The following HSPA12A variants were observed in gnomAD, a reference collection of about 807,000 sequenced individuals.
HSPA12A encodes heat shock 70 kDa protein 12A.
Under a neutral mutation model 69.2 loss-of-function variants are expected in HSPA12A, and 28 were observed. That is an observed-to-expected ratio of 0.40 (90% CI 0.30 to 0.55). The LOEUF (loss-of-function observed/expected upper bound fraction) is 0.55, where lower values mean the gene tolerates loss of function less well. Ranked by LOEUF, HSPA12A falls within the 20% of genes least tolerant of loss-of-function variation. The probability of loss-of-function intolerance (pLI) is 0.38; values close to 1 mark genes in which losing one functional copy is unlikely to be tolerated. For synonymous variants in HSPA12A, 345 were observed against 370.5 expected, an observed-to-expected ratio of 0.93 and a Z score of 0.79; for missense variants, 686 against 900.7, an observed-to-expected ratio of 0.76 and a Z score of 3.05.
intron 7 of HSPA12A, among the ~76,000 whole-genome samples, chr10:116,682,255 A>G (rs540952641): frequency 6.6e-6 from 1 of 152,302 alleles, no homozygotes; most frequent in South Asian, 2.1e-4. Context: ...GAGACTCTCA[A>G]ATGAGACCTA....
At chr10:116,735,483 C>T (rs1216207014) in intron 1 of HSPA12A, among the ~76,000 whole-genome samples, 4 of 152,258 alleles carry the variant, frequency 2.6e-5, no homozygotes, top group East Asian at 1.9e-4. Context: ...GAGGCCACCA[C>T]ATAAAGAAGC....
intron 1 of HSPA12A, among the ~76,000 whole-genome samples, chr10:116,726,938 A>T (rs528724818): frequency 6.6e-6 from 1 of 152,266 alleles, no homozygotes; most frequent in Non-Finnish European, 1.5e-5. Context: ...CCTCCCTCAG[A>T]TCTCCATAAT....
rs562654122 is a variant in HSPA12A at position 116,705,988 on chromosome 10, C to T, written c.127-710G>A. 2.8e-4 allele frequency among the ~76,000 whole-genome samples: 43 copies of T among 151,660 alleles called. 1 individual carries two copies. The highest frequency in any genetic ancestry group is 2.7e-3 in the East Asian group (14 of 5,120). The stretch of plus-strand genomic sequence containing the variant: ...TCGGCTCACTGCAAGCTCTGCCTCC[C>T]GGGTTCACGCCCTTCTCCGCCTCAG... On this transcript the variant is annotated intron_variant, in intron 2 of 11. Coordinates refer to ENST00000369209, the MANE Select transcript of HSPA12A (RefSeq NM_025015.3).
At chr10:116,837,166 T>G (rs1300984756) in intron 1 of HSPA12A, among the ~76,000 whole-genome samples, 1 of 152,162 alleles carries the variant, frequency 6.6e-6, no homozygotes, top group African/African-American at 2.4e-5. Flanking sequence ...TGTGAAGGAG[T>G]AATTTACCTG....
chr10:116,839,604 TA>T (rs59427633), intron 1 of HSPA12A, among the ~76,000 whole-genome samples: 5,923 of 59,092 alleles, frequency 0.1, 137 homozygotes, highest in Non-Finnish European at 0.14. Flanking sequence ...ATGCCTACCG[TA>T]AAAAAAAAAA....
intron 2 of HSPA12A, among the ~76,000 whole-genome samples, chr10:116,786,760 C>A (rs747425557): frequency 1.4e-4 from 22 of 152,068 alleles, no homozygotes; most frequent in Non-Finnish European, 2.9e-4. Context: ...ATGCCTCAGC[C>A]TCCTGAGTAG....
chr10:116,742,445 T>G lies in HSPA12A; in HGVS notation c.25A>C (p.Ser9Arg), dbSNP rs1265201524. The G allele has an allele frequency of 2.8e-6, 4 of 1,408,592 alleles. No homozygotes were observed. The highest frequency in any genetic ancestry group is 1.5e-5 in the African/African-American group (1 of 66,212). 87.3% of individuals were successfully genotyped at this position (1,408,592 alleles called of 1,614,324 possible). A position where few individuals can be genotyped will look rare whatever the true frequency, so the allele number is the denominator to read the frequency against. The change falls in exon 1 of 12, where the codon AGC (serine) becomes CGC (arginine). Residue 9 changes from serine to arginine, a missense_variant. Transcript: ENST00000369209. ...CTGCGCTCACCTCGGGGCCCGTCGC[T>G]GCCGCCGGCCTCCTTGTCCGCCATG... MADKEAGG[S>R]DGPRETAPTS...
chr10:116,754,606 A>G (rs192614169), intron 2 of HSPA12A, among the ~76,000 whole-genome samples: 2 of 152,346 alleles, frequency 1.3e-5, no homozygotes, highest in Admixed American at 1.3e-4. Flanking sequence ...ATGCATCTGT[A>G]TCTCTCAGAG....
chr10:116,796,614 G>A (rs1399801081), intron 2 of HSPA12A, among the ~76,000 whole-genome samples: 2 of 152,112 alleles, frequency 1.3e-5, no homozygotes, highest in Non-Finnish European at 1.5e-5. Context: ...CAAAAGTTTC[G>A]TTTAAGACAG....
chr10:116,786,622 G>C (rs1224284926), intron 2 of HSPA12A, among the ~76,000 whole-genome samples: 2 of 151,996 alleles, frequency 1.3e-5, no homozygotes, highest in Admixed American at 1.3e-4. Context: ...CTGCCTATTA[G>C]AATCTCCTGG....
At chr10:116,817,289 G>GA (rs774827084) in intron 2 of HSPA12A, among the ~76,000 whole-genome samples, 24 of 152,024 alleles carry the variant, frequency 1.6e-4, no homozygotes, top group Non-Finnish European at 3.1e-4. Flanking sequence ...TTCTAACAGA[G>GA]GCTTTGTCTG....
At chr10:116,837,293 A>G (rs1386358369) in intron 1 of HSPA12A, among the ~76,000 whole-genome samples, 2 of 152,114 alleles carry the variant, frequency 1.3e-5, no homozygotes, top group Non-Finnish European at 1.5e-5. Context: ...TCAGAAAGAA[A>G]CCTTTTTCAA....
chr10:116,806,110 A>T (rs1845062416), intron 2 of HSPA12A, among the ~76,000 whole-genome samples: 1 of 152,214 alleles, frequency 6.6e-6, no homozygotes, highest in South Asian at 2.1e-4. Flanking sequence ...ATGGGCCAGA[A>T]GTGGTGGGCA....
intron 2 of HSPA12A, chr10:116,831,346 G>GT (rs1845610522): frequency 6.6e-6 from 1 of 152,176 alleles, no homozygotes; most frequent in African/African-American, 2.4e-5. Flanking sequence ...AATAGCATGT[G>GT]TTTGGCAGGG....
At chr10:116,743,315 C>G (rs1554887536), upstream of HSPA12A, among the ~76,000 whole-genome samples, 1 of 152,200 alleles carries the variant, frequency 6.6e-6, no homozygotes, top group African/African-American at 2.4e-5. Context: ...TCCACACACA[C>G]GCGCCGCTGG....
At chr10:116,795,869 G>A (rs995949998) in intron 2 of HSPA12A, among the ~76,000 whole-genome samples, 2 of 149,440 alleles carry the variant, frequency 1.3e-5, no homozygotes, top group Non-Finnish European at 3.0e-5. Context: ...ATTAAAGGCC[G>A]GGCGCGGTGG....
chr10:116,791,988 G>C (rs184498515), intron 2 of HSPA12A, among the ~76,000 whole-genome samples: 1 of 152,088 alleles, frequency 6.6e-6, no homozygotes, highest in African/African-American at 2.4e-5. Flanking sequence ...CCCACAGCTT[G>C]GCACCTTGGA....
chr10:116,818,755 TG>T (rs1845354468), intron 2 of HSPA12A, among the ~76,000 whole-genome samples: 2 of 152,204 alleles, frequency 1.3e-5, no homozygotes, highest in South Asian at 4.1e-4. Context: ...ACAAGGGACA[TG>T]GGAGTATGTG....
intron 2 of HSPA12A, among the ~76,000 whole-genome samples, chr10:116,817,012 A>T (rs1405457533): frequency 6.6e-6 from 1 of 152,168 alleles, no homozygotes; most frequent in Non-Finnish European, 1.5e-5. Context: ...GGAAACATGA[A>T]ATCTACAGTT....
Sources: allele counts gnomAD v4.1 joint callset (sites outside exome capture counted in the v4.1 genomes callset), GRCh38; gene constraint gnomAD v4.1.1; transcripts MANE v1.5; gene names NCBI Gene and HGNC (gene_info 2026-07-23, HGNC 2026-07-21).